The following SLC20A1 variants were observed in gnomAD, a reference collection of about 807,000 sequenced individuals.
SLC20A1 encodes solute carrier family 20 member 1.
Under a neutral mutation model 62.7 loss-of-function variants are expected in SLC20A1, and 28 were observed. The observed-to-expected ratio is 0.45, with a 90% CI of 0.33 to 0.61. SLC20A1 has a LOEUF of 0.61. SLC20A1 is among the 20% of genes least tolerant of loss of function. The pLI, the probability that SLC20A1 is intolerant of heterozygous loss-of-function variation, is 0.02. For synonymous variants in SLC20A1, 305 were observed against 302.9 expected (o/e 1.01, Z -0.07); for missense variants, 673 against 838.6 (o/e 0.80, Z 2.44).
Position 112,659,341 on chromosome 2 carries a change from C to T in SLC20A1, c.1186C>T (p.His396Tyr), listed in dbSNP as rs752761194. The T allele has an allele frequency of 6.2e-7, 1 of 1,614,194 alleles. No individual in the cohort carries two copies. Among genetic ancestry groups the T allele is most frequent in the Non-Finnish European group, 8.5e-7 (1 of 1,180,034 alleles). ...GTACAAAGAGCTACTCCATAAATTA[C>T]ATCTTGCCAAGGTGGGAGATTGCAT... ...GLYKELLHKL[H>Y]LAKVGDCMGD... The change falls in exon 8 of 11, where the codon CAT becomes TAT. Residue 396 changes from histidine to tyrosine, a missense_variant. Transcript: ENST00000272542.
Position 112,662,907 on chromosome 2 carries a change from C to T in SLC20A1, c.1922C>T (p.Ala641Val). ...VSVGWLRSKK[A>V]VDWRLFRNIF... ...GTTGGCTGGCTCCGGTCCAAGAAGG[C>T]TGTTGACTGGCGTCTCTTTCGTAAC... Residue 641 changes from alanine (A) to valine (V), a missense_variant, in exon 11 of 11, where the codon GCT (alanine) becomes GTT (valine). Ala to Val is a moderately conservative substitution (Grantham distance 64). Coordinates refer to ENST00000272542, the MANE Select transcript of SLC20A1 (RefSeq NM_005415.5). The T allele has an allele frequency of 1.2e-6, 2 of 1,614,198 alleles. No individual in the cohort carries two copies. The highest frequency in any genetic ancestry group is 8.5e-7 in the Non-Finnish European group (1 of 1,180,032).
intron 5 of SLC20A1, among the ~76,000 whole-genome samples, chr2:112,656,188 CTTTTTTTTTTTTT>C (rs367841545): frequency 4.4e-5 from 4 of 90,596 alleles, no homozygotes; most frequent in African/African-American, 1.3e-4. Flanking sequence ...AAAGACAAAA[CTTTTTTTTTTTTT>C]TTTTTTTTTT....
intron 4 of SLC20A1, chr2:112,652,329 CAT>C (rs913965311): frequency 1.1e-4 from 23 of 216,954 alleles, no homozygotes; most frequent in African/African-American, 4.6e-4. Flanking sequence ...AACATCCTAA[CAT>C]AGTCTATTTC....
chr2:112,656,750 C>T (rs1209006759), intron 5 of SLC20A1, among the ~76,000 whole-genome samples: 3 of 142,732 alleles, frequency 2.1e-5, no homozygotes, highest in South Asian at 2.3e-4. Context: ...GTGGCAGTTA[C>T]GATCATGAGC....
intron 4 of SLC20A1, among the ~76,000 whole-genome samples, chr2:112,650,314 TGG>T (rs1686400364): frequency 6.6e-6 from 1 of 151,360 alleles, no homozygotes; most frequent in African/African-American, 2.4e-5. Flanking sequence ...GTGGGAGTCT[TGG>T]GTTGGGTTTT....
intron 4 of SLC20A1, among the ~76,000 whole-genome samples, chr2:112,651,608 G>A (rs991400882): frequency 3.3e-5 from 5 of 151,878 alleles, no homozygotes; most frequent in South Asian, 2.1e-4. Flanking sequence ...GGGTTTCACC[G>A]TATTACCCAG....
rs537691835 is a variant in SLC20A1 at position 112,661,305 on chromosome 2, T to C, written c.1878+79T>C. 42 of 1,123,894 alleles carry C rather than the reference T, an allele frequency of 3.7e-5. No homozygotes were observed. In the South Asian group the frequency reaches 5.1e-4, roughly 14 times the overall value. The allele number at this position is 1,123,894 out of a possible 1,614,324, so 69.6% of individuals were successfully genotyped here. Reference sequence around the variant, plus strand: ...TTTTAGTTTTACTTCTCTGATACTTTGATTTAGAAAGTTTTGTGCAGTTGG... The same window carrying C: ...TTTTAGTTTTACTTCTCTGATACTTCGATTTAGAAAGTTTTGTGCAGTTGG... On this transcript the variant is annotated intron_variant, in intron 10 of 10. Coordinates refer to ENST00000272542, the MANE Select transcript of SLC20A1 (RefSeq NM_005415.5).
At chr2:112,646,368 G>T (rs1035123290) in intron 1 of SLC20A1, among the ~76,000 whole-genome samples, 195 bp from the exon 2 acceptor site, 1 of 151,866 alleles carries the variant, frequency 6.6e-6, no homozygotes, top group African/African-American at 2.4e-5. Context: ...GGCAGCGCAG[G>T]GGCTGGGCTG....
intron 5 of SLC20A1, among the ~76,000 whole-genome samples, chr2:112,655,579 T>A (rs946582458): frequency 3.3e-5 from 5 of 151,720 alleles, no homozygotes; most frequent in African/African-American, 1.2e-4. Flanking sequence ...CTTGCTGTGT[T>A]GCCCAGGCTG....
rs759248911 is a variant in SLC20A1, at chr2:112,652,829, A to G, written c.658+31A>G. On this transcript the variant is annotated intron_variant, in intron 5 of 10. Coordinates refer to ENST00000272542, the MANE Select transcript of SLC20A1 (RefSeq NM_005415.5). ...TACCTATCAAAATATTTAAATGTGA[A>G]TTTAAAGTTGTTTACAAAACTTGCA... 2.5e-6 allele frequency: 4 copies of G among 1,612,370 alleles called. No individual in the cohort carries two copies. The South Asian group carries it at 4.4e-5, about 18-fold the overall frequency.
chr2:112,646,839 T>C lies in SLC20A1; in HGVS notation c.11T>C (p.Leu4Pro), dbSNP rs749743449. Residue 4 changes from leucine to proline, a missense_variant, in exon 2 of 11, where the codon CTG becomes CCG. Physicochemically the swap from Leu to Pro is moderately conservative, Grantham distance 98 (BLOSUM62 -3). Transcript: ENST00000272542. ...CCACTACTCCAGAGAATGGCAACGC[T>C]GATTACCAGTACTACAGCTGCTACC... MAT[L>P]ITSTTAATAA... is the part of the protein sequence containing the mutation. 1 of 1,606,824 alleles carries C rather than the reference T, an allele frequency of 6.2e-7. No homozygotes were observed. The highest frequency in any genetic ancestry group is 2.2e-5 in the East Asian group (1 of 44,714).
intron 4 of SLC20A1, among the ~76,000 whole-genome samples, chr2:112,650,163 A>G (rs151253351): frequency 6.6e-6 from 1 of 152,318 alleles, no homozygotes; most frequent in Non-Finnish European, 1.5e-5. Context: ...GCTATGCTAT[A>G]CAGGATAATA....
chr2:112,658,792 C>G (rs1271064921), intron 6 of SLC20A1, 33 bp from the exon 7 acceptor site: 3 of 1,569,092 alleles, frequency 1.9e-6, no homozygotes, highest in East Asian at 2.2e-5. Context: ...TGGCCACAAC[C>G]AAACCAAAAA....
At chr2:112,656,746 G>GC in intron 5 of SLC20A1, among the ~76,000 whole-genome samples, 2 of 56,678 alleles carry the variant, frequency 3.5e-5, no homozygotes, top group Non-Finnish European at 9.2e-5. Context: ...ATATGTGGCA[G>GC]TTACGATCAT....
chr2:112,651,627 C>T (rs542306769), intron 4 of SLC20A1, among the ~76,000 whole-genome samples: 3 of 152,134 alleles, frequency 2.0e-5, no homozygotes, highest in East Asian at 1.9e-4. Context: ...AGGATGGTCT[C>T]GATCTCCTGA....
In SLC20A1 at chr2:112,659,528, G is replaced by A. The variant is rs1190917458; in HGVS notation, c.1373G>A (p.Arg458Gln). 4 of 1,614,218 alleles carry A rather than the reference G, an allele frequency of 2.5e-6. No homozygotes were observed. The highest frequency in any genetic ancestry group is 2.5e-6 in the Non-Finnish European group (3 of 1,180,040). Residue 458 changes from arginine (R) to glutamine (Q), a missense_variant, in exon 8 of 11, where the codon CGA (arginine) becomes CAA (glutamine). Arg to Gln is a conservative substitution (Grantham distance 43). Coordinates refer to ENST00000272542, the MANE Select transcript of SLC20A1 (RefSeq NM_005415.5). ...LTWPNADSKK[R>Q]IRMDSYTSYC... ...TGGCCTAATGCAGACTCCAAGAAGC[G>A]AATTCGAATGGACAGTTACACCAGT...
intron 6 of SLC20A1, 105 bp from the exon 7 acceptor site, chr2:112,658,720 C>T: frequency 8.1e-7 from 1 of 1,234,586 alleles, no homozygotes; most frequent in Non-Finnish European, 1.1e-6. Flanking sequence ...AGTTCACATA[C>T]ATTCTTGTTT....
intron 8 of SLC20A1, 125 bp from the exon 9 acceptor site, chr2:112,660,262 G>A (rs945241472): frequency 2.6e-6 from 2 of 779,504 alleles, no homozygotes; most frequent in Non-Finnish European, 4.3e-6. Context: ...AGAAAGAAAG[G>A]CCCTTTTGCC....
chr2:112,656,896 G>T, intron 5 of SLC20A1: 1 of 560,170 alleles, frequency 1.8e-6, no homozygotes, highest in Non-Finnish European at 3.3e-6. Flanking sequence ...AGTCCCGCAG[G>T]TGTTCAAGTG....
Sources: gnomAD v4.1 joint callset for allele counts (sites outside exome capture counted in the v4.1 genomes callset) on GRCh38, gnomAD v4.1.1 for gene constraint, MANE v1.5 for transcripts, NCBI Gene and HGNC (gene_info 2026-07-23, HGNC 2026-07-21) for gene names.